The following PAH variants were observed in gnomAD, a reference collection of about 807,000 sequenced individuals.
The protein encoded by PAH is phenylalanine-4-hydroxylase.
A neutral mutation model predicts 62.0 loss-of-function variants in PAH; 64 were observed. The ratio of observed to expected loss-of-function variants is 1.03; its 90% CI spans 0.84 to 1.27. The LOEUF is 1.27. Ranked by LOEUF, PAH falls within the 50% of genes most tolerant of loss-of-function variation. The probability of loss-of-function intolerance (pLI) is 0.00; values close to 1 mark genes in which losing one functional copy is unlikely to be tolerated. For synonymous variants in PAH, 195 were observed against 196.2 expected, an observed-to-expected ratio of 0.99 and a Z score of 0.05; for missense variants, 579 against 542.8, an observed-to-expected ratio of 1.07 and a Z score of -0.66.
At chr12:102,934,141 A>C (rs1211887948) in intron 1 of PAH, among the ~76,000 whole-genome samples, 4 of 152,060 alleles carry the variant, frequency 2.6e-5, no homozygotes, top group Admixed American at 1.3e-4. Context: ...TCCTCTGCAT[A>C]TGAGTTTCCA....
At position 102,957,677 on chromosome 12, in the gene PAH, ACT is replaced by A. The variant is rs1367687321; in HGVS notation, c.-96+516_-96+517del. On this transcript the variant is annotated intron_variant, in intron 1 of 4. Transcript: ENST00000551337. The surrounding 1 kb of genome is among the most constrained non-coding windows in gnomAD (Gnocchi z 4.1). ...GGCGGACGCACTCCGGCAGCCCAGC[ACT>A]CTCTCACTTCTGGCCAGGGAACGTG... 4.6e-5 allele frequency: 7 copies of A among 152,482 alleles called. No individual in the cohort carries two copies. The East Asian group carries it at 1.4e-3, about 29-fold the overall frequency. 9.4% of individuals were successfully genotyped at this position (152,482 alleles called of 1,614,324 possible).
In PAH at chr12:102,843,680, C is replaced by T; in HGVS notation, c.1165G>A (p.Ala389Thr). The T allele has an allele frequency of 6.2e-7, 1 of 1,613,680 alleles. No homozygotes were observed. The highest frequency in any genetic ancestry group is 8.5e-7 in the Non-Finnish European group (1 of 1,179,764). The change falls in exon 11 of 13, where the codon GCA becomes ACA. Residue 389 changes from alanine (A) to threonine (T), a missense_variant. Physicochemically the swap from Ala to Thr is moderately conservative, Grantham distance 58. Coordinates refer to ENST00000553106, the MANE Select transcript of PAH (RefSeq NM_000277.3). Reference sequence around the variant, plus strand: ...TCCTTGGCATCATTAAAACTCTCTGCCACGTAATAGAGGGGCTGGAACTCC... The same window carrying T: ...TCCTTGGCATCATTAAAACTCTCTGTCACGTAATAGAGGGGCTGGAACTCC... ...VTEFQPLYYV[A>T]ESFNDAKEKV...
intron 2 of PAH, among the ~76,000 whole-genome samples, chr12:102,899,068 C>G (rs1877626650): frequency 6.6e-6 from 1 of 152,146 alleles, no homozygotes; most frequent in Non-Finnish European, 1.5e-5. Flanking sequence ...CTTTCTCTGG[C>G]AAACAGAGAT....
intron 1 of PAH, among the ~76,000 whole-genome samples, chr12:102,956,465 G>C (rs993781162): frequency 7.6e-4 from 116 of 152,112 alleles, no homozygotes; most frequent in Non-Finnish European, 1.5e-3. Flanking sequence ...GCGCCAGCAC[G>C]CGGCCCCGCC....
chr12:102,948,531 C>T (rs1461029761), intron 1 of PAH, among the ~76,000 whole-genome samples: 1 of 152,150 alleles, frequency 6.6e-6, no homozygotes, highest in Non-Finnish European at 1.5e-5. Flanking sequence ...CTGCAAGTTT[C>T]TGACCATTCT....
intron 12 of PAH, 111 bp downstream of exon 12, chr12:102,840,289 C>T: frequency 1.3e-6 from 1 of 748,708 alleles, no homozygotes; most frequent in Non-Finnish European, 2.4e-6. Context: ...GTGCTTTTCT[C>T]CTTAATTAAA....
chr12:102,851,464 C>T (rs1365947124), intron 8 of PAH, among the ~76,000 whole-genome samples: 2 of 152,172 alleles, frequency 1.3e-5, no homozygotes, highest in Admixed American at 1.3e-4. Flanking sequence ...CACTGAAGAA[C>T]ACACATATGA....
intron 5 of PAH, among the ~76,000 whole-genome samples, chr12:102,857,834 T>C (rs1185378706): frequency 6.6e-6 from 1 of 151,848 alleles, no homozygotes; most frequent in Non-Finnish European, 1.5e-5. Context: ...GCACTAAACA[T>C]GGAAAGGAAC....
At position 102,844,359 on chromosome 12, in the gene PAH, G is replaced by C. The variant is rs62516092; in HGVS notation, c.1042C>G (p.Leu348Val). The change falls in exon 10 of 13, where the codon CTG becomes GTG. Residue 348 changes from leucine (L) to valine (V), a missense_variant. Coordinates refer to ENST00000553106, the MANE Select transcript of PAH (RefSeq NM_000277.3). ...ACCTGTAATTCACCAAAGGATGACA[G>C]GAGCCCAGCACCATATGCCTTTATG... Reference protein sequence around the residue: ...DSIKAYGAGLLSSFGELQYCL... With the variant: ...DSIKAYGAGLVSSFGELQYCL... 2.1e-4 allele frequency: 338 copies of C among 1,613,198 alleles called. No individual in the cohort carries two copies. The highest frequency in any genetic ancestry group is 2.7e-4 in the Non-Finnish European group (321 of 1,179,304).
intron 2 of PAH, among the ~76,000 whole-genome samples, chr12:102,900,474 C>T (rs777185130): frequency 1.4e-4 from 21 of 151,964 alleles, no homozygotes; most frequent in Non-Finnish European, 3.1e-4. Flanking sequence ...AAAAATTATG[C>T]CCGGGCTGAC....
At chr12:102,888,804 C>T (rs966800092) in intron 3 of PAH, among the ~76,000 whole-genome samples, 1 of 151,902 alleles carries the variant, frequency 6.6e-6, no homozygotes, top group Admixed American at 6.6e-5. Flanking sequence ...CAGCAAGCAT[C>T]CAGGTAAAGA....
intron 1 of PAH, among the ~76,000 whole-genome samples, chr12:102,942,753 A>T (rs1879340374): frequency 1.3e-5 from 2 of 152,178 alleles, no homozygotes; most frequent in African/African-American, 4.8e-5. Context: ...GAATTCAGAA[A>T]TAAAGTTGCA....
intron 3 of PAH, among the ~76,000 whole-genome samples, chr12:102,883,071 G>A (rs955214933): frequency 2.0e-5 from 3 of 152,048 alleles, no homozygotes; most frequent in African/African-American, 7.2e-5. Flanking sequence ...TTCTAATCTT[G>A]GGCTTTAGTT....
At chr12:102,926,252 T>G (rs973486921) in intron 1 of PAH, among the ~76,000 whole-genome samples, 1 of 151,990 alleles carries the variant, frequency 6.6e-6, no homozygotes, top group African/African-American at 2.4e-5. Context: ...TGAGGGAAGA[T>G]CTATTCAACA....
chr12:102,903,300 G>C (rs1877835642), intron 2 of PAH, among the ~76,000 whole-genome samples: 1 of 151,528 alleles, frequency 6.6e-6, no homozygotes, highest in Non-Finnish European at 1.5e-5. Flanking sequence ...GGTGGAGGTT[G>C]AGGTGGGCTG....
intron 2 of PAH, chr12:102,904,743 G>A (rs537418279): frequency 3.5e-5 from 18 of 510,380 alleles, no homozygotes; most frequent in East Asian, 2.7e-4. Context: ...GGTCTCATCC[G>A]TATTTTCATC....
At position 102,880,667 on chromosome 12, in the gene PAH, C is replaced by T. The variant is rs1291686225; in HGVS notation, c.353-3117G>A. ...TTCCACAAATATGTACTGAGCACCTCCTGCGTACCAAGCACAAAGCATTGT... is the reference window on the plus strand; with the variant it reads ...TTCCACAAATATGTACTGAGCACCTTCTGCGTACCAAGCACAAAGCATTGT... On this transcript the variant is annotated intron_variant, in intron 3 of 12. Coordinates refer to ENST00000553106, the MANE Select transcript of PAH (RefSeq NM_000277.3). Among the ~76,000 whole-genome samples, 13 of 152,254 alleles carry T rather than the reference C, an allele frequency of 8.5e-5. No homozygotes were observed. The South Asian group carries it at 1.0e-3, about 12-fold the overall frequency.
rs143984952 is a variant in PAH at position 102,956,074 on chromosome 12, C to T, written c.-96+2121G>A. 3.5e-3 allele frequency among the ~76,000 whole-genome samples: 537 copies of T among 152,298 alleles called. 5 individuals are homozygous for T. Among genetic ancestry groups the T allele is most frequent in the African/African-American group, 0.012 (508 of 41,546 alleles). ...CCAAGAGCAGCTCCCTGGGTCATCC[C>T]CTTGGCCCTTTAGAAAGATCCACCT... On this transcript the variant is annotated intron_variant, in intron 1 of 4. Coordinates refer to the PAH transcript ENST00000551337.
upstream of PAH, among the ~76,000 whole-genome samples, chr12:102,952,233 A>C (rs1879785884): frequency 2.0e-5 from 3 of 152,140 alleles, no homozygotes; most frequent in Admixed American, 2.0e-4. Context: ...CTTGCTGAGC[A>C]AAAAATGGAC....
Sources: allele counts gnomAD v4.1 joint callset (sites outside exome capture counted in the v4.1 genomes callset), GRCh38; gene constraint gnomAD v4.1.1; non-coding constraint Gnocchi (gnomAD v3.1); transcripts MANE v1.5; gene names NCBI Gene and HGNC (gene_info 2026-07-23, HGNC 2026-07-21).